Variants in CGNL1 observed in about 807,000 individuals in gnomAD.
CGNL1 encodes cingulin-like protein 1.
A neutral mutation model predicts 141.2 loss-of-function variants in CGNL1; 132 were observed. The observed-to-expected ratio is 0.93, with a 90% confidence interval of 0.81 to 1.08. CGNL1 has a LOEUF of 1.08. CGNL1 is among the 50% of genes least tolerant of loss of function. CGNL1 has a pLI of 0.00. For missense variants in CGNL1, 1,870 were observed against 1,588.6 expected (o/e 1.18, Z -3.01); for synonymous variants, 690 against 622.1 (o/e 1.11, Z -1.63).
intron 8 of CGNL1, among the ~76,000 whole-genome samples, chr15:57,474,014 G>A (rs1318265518): frequency 1.4e-5 from 2 of 146,924 alleles, no homozygotes; most frequent in Non-Finnish European, 3.0e-5. Context: ...GGGTTCAAGC[G>A]ATTCTCCTGC....
At chr15:57,447,796 C>G in intron 4 of CGNL1, among the ~76,000 whole-genome samples, 1 of 143,332 alleles carries the variant, frequency 7.0e-6, no homozygotes, top group East Asian at 2.1e-4. Flanking sequence ...GCTCTATTCT[C>G]TCTCTTTTCG....
chr15:57,409,037 T>TCTCACACACACACACACA (rs143760210), intron 1 of CGNL1, among the ~76,000 whole-genome samples: 7 of 141,736 alleles, frequency 4.9e-5, no homozygotes, highest in African/African-American at 1.9e-4. Context: ...TGAGACTCTG[T>TCTCACACACACACACACA]CACACACACA....
In CGNL1 at chr15:57,546,135, C is replaced by T. The variant is rs1395429923; in HGVS notation, c.3669C>T (p.Asp1223=). 1.2e-6 allele frequency: 2 copies of T among 1,613,982 alleles called. No individual in the cohort carries two copies. The highest frequency in any genetic ancestry group is 2.2e-5 in the South Asian group (2 of 91,022). ...RQVEEAEEEI[D]RLESSKKKLQ... is the part of the protein sequence containing the mutation. ...TGGAGGAGGCTGAGGAGGAAATCGA[C>T]AGACTGGAAAGTTCTAAAAAGAAGC... The change falls in exon 18 of 19, where the codon GAC becomes GAT. Residue 1223 remains aspartate, a synonymous_variant. Transcript: ENST00000281282.
intron 4 of CGNL1, among the ~76,000 whole-genome samples, chr15:57,447,939 T>C (rs2063276893): frequency 6.6e-6 from 1 of 152,162 alleles, no homozygotes; most frequent in Non-Finnish European, 1.5e-5. Flanking sequence ...AATCTTACTT[T>C]AAGACTTTCT....
At chr15:57,377,738 G>A (rs1022776440) in intron 1 of CGNL1, among the ~76,000 whole-genome samples, 3 of 152,212 alleles carry the variant, frequency 2.0e-5, no homozygotes, top group Non-Finnish European at 2.9e-5. Flanking sequence ...CATTAGAACC[G>A]AGCAGTCCTT....
At chr15:57,513,119 G>T (rs187070002) in intron 8 of CGNL1, among the ~76,000 whole-genome samples, 1 of 151,802 alleles carries the variant, frequency 6.6e-6, no homozygotes, top group African/African-American at 2.4e-5. Flanking sequence ...AAATTCCATC[G>T]CCATTAGCAG....
chr15:57,543,245 C>T (rs919688265), intron 14 of CGNL1, among the ~76,000 whole-genome samples: 2 of 114,550 alleles, frequency 1.7e-5, no homozygotes, highest in Non-Finnish European at 4.4e-5. Context: ...TCCATCTTCA[C>T]GTGGCCGTCT....
chr15:57,529,830 T>G (rs1246115379), intron 13 of CGNL1, among the ~76,000 whole-genome samples: 4 of 152,242 alleles, frequency 2.6e-5, no homozygotes, highest in Admixed American at 2.6e-4. Flanking sequence ...TCCAGGGGAC[T>G]TAGTAGCTGT....
At chr15:57,488,585 T>C (rs2063816376) in intron 8 of CGNL1, among the ~76,000 whole-genome samples, 1 of 152,158 alleles carries the variant, frequency 6.6e-6, no homozygotes, top group Non-Finnish European at 1.5e-5. Flanking sequence ...TCATCCTTGA[T>C]CATAAAGGTG....
intron 8 of CGNL1, among the ~76,000 whole-genome samples, chr15:57,514,675 T>C (rs1378880801): frequency 3.9e-5 from 6 of 152,224 alleles, no homozygotes; most frequent in African/African-American, 1.2e-4. Context: ...TAAGTAGCCT[T>C]TGCCTAACCC....
chr15:57,544,875 G>C (rs2032771886), intron 16 of CGNL1, among the ~76,000 whole-genome samples: 1 of 152,190 alleles, frequency 6.6e-6, no homozygotes, highest in South Asian at 2.1e-4. Flanking sequence ...CACTGTACTT[G>C]CTGTCCCTTT....
intron 1 of CGNL1, among the ~76,000 whole-genome samples, chr15:57,386,185 G>A (rs1427805676): frequency 6.6e-6 from 1 of 152,214 alleles, no homozygotes; most frequent in Non-Finnish European, 1.5e-5. Context: ...TAAAACCAGT[G>A]AAACCACTTA....
chr15:57,403,892 C>T lies in CGNL1; in HGVS notation c.-16+27325C>T, dbSNP rs1221182408. On this transcript the variant is annotated intron_variant, in intron 1 of 18. Transcript: ENST00000281282. ...TGCCTTTTAGAAGACAGATGCACAG[C>T]CCCAGAGCCTAGTTGCCTCCCCTGA... Among the ~76,000 whole-genome samples the T allele has an allele frequency of 2.6e-5, 4 of 152,294 alleles. No individual in the cohort carries two copies. In the East Asian group the frequency reaches 7.7e-4, roughly 29 times the overall value.
chr15:57,483,292 T>C (rs11637220), intron 8 of CGNL1, among the ~76,000 whole-genome samples: 19,800 of 152,210 alleles, frequency 0.13, 1,910 homozygotes, highest in East Asian at 0.46. Context: ...GTGCTAAACT[T>C]ATACCTAAGG....
intron 4 of CGNL1, 102 bp downstream of exon 4, chr15:57,442,580 G>T (rs1365101364): frequency 1.5e-6 from 1 of 687,664 alleles, no homozygotes; most frequent in African/African-American, 1.8e-5. Context: ...CAGTAAGTGG[G>T]AAGTTGCCTG....
At chr15:57,478,408 G>A (rs1374705250) in intron 8 of CGNL1, 1 of 152,182 alleles carries the variant, frequency 6.6e-6, no homozygotes, top group African/African-American at 2.4e-5. Context: ...ATCTGGTGCT[G>A]CGAGAAGGTT....
chr15:57,407,386 C>G lies in CGNL1; in HGVS notation c.-15-30599C>G, dbSNP rs1480195847. 2.6e-5 allele frequency: 4 copies of G among 152,138 alleles called. No individual in the cohort carries two copies. In the South Asian group the frequency reaches 6.2e-4, roughly 24 times the overall value. The allele number at this position is 152,138 out of a possible 1,614,324, so 9.4% of individuals were successfully genotyped here. ...CGAAAAAATAGGGGGTTTTGCCAGG[C>G]ACAGTGGCTCATGCCTGTAATTCCA... On this transcript the variant is annotated intron_variant, in intron 1 of 18. Coordinates refer to ENST00000281282, the MANE Select transcript of CGNL1 (RefSeq NM_032866.5).
intron 8 of CGNL1, among the ~76,000 whole-genome samples, chr15:57,469,015 T>G (rs2063546798): frequency 6.6e-6 from 1 of 152,224 alleles, no homozygotes; most frequent in Non-Finnish European, 1.5e-5. Flanking sequence ...CCCTTTCTTT[T>G]GTAAATTGCC....
At chr15:57,531,802 T>A (rs776671628) in intron 14 of CGNL1, 23 bp downstream of exon 14, 2 of 1,397,588 alleles carry the variant, frequency 1.4e-6, no homozygotes, top group Non-Finnish European at 2.0e-6. Flanking sequence ...AGGTGAATGA[T>A]GCGTGGATTG....
Sources: gnomAD v4.1 joint callset for allele counts (sites outside exome capture counted in the v4.1 genomes callset) on GRCh38, gnomAD v4.1.1 for gene constraint, MANE v1.5 for transcripts, NCBI Gene and HGNC (gene_info 2026-07-23, HGNC 2026-07-21) for gene names.